Variants in TXNDC8 observed in about 807,000 individuals in gnomAD.
TXNDC8 encodes the protein thioredoxin domain-containing protein 8.
A neutral mutation model predicts 12.9 loss-of-function variants in TXNDC8; 15 were observed. The ratio of observed to expected loss-of-function variants is 1.16; its 90% CI spans 0.78 to 1.79. The LOEUF (loss-of-function observed/expected upper bound fraction) is 1.79, where lower values mean the gene tolerates loss of function less well. TXNDC8 is among the 40% of genes most tolerant of loss of function. The probability of loss-of-function intolerance (pLI) is 0.00; values close to 1 mark genes in which losing one functional copy is unlikely to be tolerated. For missense variants in TXNDC8, 128 were observed against 113.2 expected (o/e 1.13, Z -0.59); for synonymous variants, 40 against 35.4 (o/e 1.13, Z -0.46).
At chr9:110,310,033 C>A (rs115161086) in intron 3 of TXNDC8, among the ~76,000 whole-genome samples, 3,851 of 152,244 alleles carry the variant, frequency 0.025, 149 homozygotes, top group African/African-American at 0.087. Flanking sequence ...AACAAGGAGA[C>A]TGACTCCCCT....
intron 3 of TXNDC8, among the ~76,000 whole-genome samples, chr9:110,324,200 A>T (rs1189152809): frequency 6.6e-6 from 1 of 152,228 alleles, no homozygotes; most frequent in African/African-American, 2.4e-5. Flanking sequence ...ACTGATTTTG[A>T]AAGGAGGAAG....
intron 3 of TXNDC8, chr9:110,322,628 A>G: frequency 1.0e-6 from 1 of 985,438 alleles, no homozygotes; most frequent in Non-Finnish European, 1.2e-6. Flanking sequence ...GTCTTGTGTC[A>G]TCATAAAATG....
intron 3 of TXNDC8, among the ~76,000 whole-genome samples, chr9:110,325,878 C>T (rs1224368119): frequency 1.3e-5 from 2 of 152,180 alleles, no homozygotes; most frequent in Admixed American, 1.3e-4. Context: ...AAGAGTCTTT[C>T]TTGATGGTTT....
intron 2 of TXNDC8, among the ~76,000 whole-genome samples, chr9:110,326,847 A>C (rs1169333708): frequency 6.6e-6 from 1 of 151,928 alleles, no homozygotes; most frequent in Admixed American, 6.6e-5. Context: ...AGTCAAAAGA[A>C]AATTAGTCAC....
chr9:110,334,380 A>G (rs961365795), intron 1 of TXNDC8, 60 bp from the exon 2 acceptor site: 72 of 1,441,578 alleles, frequency 5.0e-5, no homozygotes, highest in Non-Finnish European at 6.1e-5. Flanking sequence ...GACATTTTGT[A>G]GAGAAGAAGA....
intron 3 of TXNDC8, among the ~76,000 whole-genome samples, chr9:110,305,544 CTTTT>C (rs142892470): frequency 7.2e-6 from 1 of 138,552 alleles, no homozygotes; most frequent in Non-Finnish European, 1.6e-5. Flanking sequence ...CATGTATTTT[CTTTT>C]TCTTTCTTTC....
At chr9:110,311,521 G>GTATGTATA (rs1554702025) in intron 3 of TXNDC8, among the ~76,000 whole-genome samples, 4 of 41,220 alleles carry the variant, frequency 9.7e-5, no homozygotes, top group Non-Finnish European at 2.5e-4. Flanking sequence ...AAATAAAGAG[G>GTATGTATA]TATATATATA....
intron 2 of TXNDC8, 71 bp downstream of exon 3, chr9:110,329,161 C>T: frequency 1.5e-6 from 2 of 1,294,646 alleles, no homozygotes; most frequent in East Asian, 4.6e-5. Context: ...TTAATAATTA[C>T]TGAGACAGTG....
chr9:110,332,737 T>C (rs1321881823), intron 2 of TXNDC8, among the ~76,000 whole-genome samples: 1 of 152,188 alleles, frequency 6.6e-6, no homozygotes, highest in African/African-American at 2.4e-5. Flanking sequence ...TGTAGGATAT[T>C]ACAGAAATTA....
chr9:110,326,073 TAAATG>T, intron 3 of TXNDC8, 97 bp downstream of exon 4: 1 of 1,118,786 alleles, frequency 8.9e-7, no homozygotes, highest in South Asian at 1.4e-5. Flanking sequence ...GCATTAAAAA[TAAATG>T]TAGTTATTTC....
chr9:110,333,837 CTTTTA>C (rs1213744381), intron 2 of TXNDC8, among the ~76,000 whole-genome samples: 2 of 152,092 alleles, frequency 1.3e-5, no homozygotes, highest in African/African-American at 4.8e-5. Flanking sequence ...GAAATTTATT[CTTTTA>C]TGTTATATTT....
At chr9:110,311,555 A>G (rs1383738902) in intron 3 of TXNDC8, among the ~76,000 whole-genome samples, 2 of 130,758 alleles carry the variant, frequency 1.5e-5, no homozygotes, top group South Asian at 4.8e-4. Flanking sequence ...ATATATATAT[A>G]TATCTCCATA....
chr9:110,327,160 G>A (rs1410597122), intron 2 of TXNDC8, among the ~76,000 whole-genome samples: 2 of 152,156 alleles, frequency 1.3e-5, no homozygotes, highest in East Asian at 1.9e-4. Context: ...CATTGCTGGT[G>A]AGAATGTAAA....
At chr9:110,314,275 T>C (rs1373875102) in intron 3 of TXNDC8, among the ~76,000 whole-genome samples, 1 of 152,170 alleles carries the variant, frequency 6.6e-6, no homozygotes, top group East Asian at 1.9e-4. Flanking sequence ...CATATGTTGA[T>C]TGATGTCTCA....
intron 2 of TXNDC8, among the ~76,000 whole-genome samples, chr9:110,333,117 A>T (rs559992375): frequency 1.3e-5 from 2 of 152,242 alleles, no homozygotes; most frequent in African/African-American, 4.8e-5. Context: ...GTAAAGATAC[A>T]GTTGTACAGG....
At chr9:110,331,734 T>C (rs1392262696) in intron 2 of TXNDC8, among the ~76,000 whole-genome samples, 1 of 152,108 alleles carries the variant, frequency 6.6e-6, no homozygotes, top group African/African-American at 2.4e-5. Context: ...GCAACCTAGA[T>C]CCCTCGCATG....
intron 3 of TXNDC8, among the ~76,000 whole-genome samples, chr9:110,304,865 T>C (rs1347520592): frequency 6.6e-6 from 1 of 152,094 alleles, no homozygotes; most frequent in African/African-American, 2.4e-5. Context: ...TAAAGATGGA[T>C]GGCCGGGTGC....
At chr9:110,327,042 A>G (rs923669753) in intron 2 of TXNDC8, among the ~76,000 whole-genome samples, 2 of 152,094 alleles carry the variant, frequency 1.3e-5, no homozygotes, top group Non-Finnish European at 2.9e-5. Flanking sequence ...ATAAATTACT[A>G]TTAGACAATT....
At chr9:110,305,598 CTTTCTTTCTT>C (rs1248693711) in intron 3 of TXNDC8, among the ~76,000 whole-genome samples, 1 of 123,806 alleles carries the variant, frequency 8.1e-6, no homozygotes, top group African/African-American at 3.8e-5. Context: ...TTCTTTCTTT[CTTTCTTTCTT>C]TCTTTTTCTT....
Sources: allele counts gnomAD v4.1 joint callset (sites outside exome capture counted in the v4.1 genomes callset), GRCh38; gene constraint gnomAD v4.1.1; transcripts MANE v1.5; gene names NCBI Gene and HGNC (gene_info 2026-07-23, HGNC 2026-07-21).